Variants in NRXN1 observed in about 807,000 individuals in gnomAD.
The protein encoded by NRXN1 is neurexin 1.
NRXN1 carries 39 observed loss-of-function variants against 150.9 expected under a neutral mutation model. The ratio of observed to expected loss-of-function variants is 0.26; its 90% confidence interval spans 0.20 to 0.34. NRXN1 has a LOEUF of 0.34. NRXN1 is among the 10% of genes least tolerant of loss of function. The pLI is 1.00. For missense variants in NRXN1, 1,815 were observed against 1,949.9 expected, an observed-to-expected ratio of 0.93 and a Z score of 1.30; for synonymous variants, 924 against 757.0, an observed-to-expected ratio of 1.22 and a Z score of -3.62.
chr2:50,710,545 G>A (rs1184807820), intron 5 of NRXN1, among the ~76,000 whole-genome samples: 5 of 152,098 alleles, frequency 3.3e-5, no homozygotes, highest in Admixed American at 3.3e-4. Flanking sequence ...TCAATAGTTT[G>A]TTCTTTTGGA....
intron 8 of NRXN1, among the ~76,000 whole-genome samples, chr2:50,586,217 C>A (rs2103727406): frequency 6.6e-6 from 1 of 152,232 alleles, no homozygotes; most frequent in South Asian, 2.1e-4. Flanking sequence ...CTCAATATAG[C>A]CAAAGGGATC....
At chr2:50,539,889 T>A (rs2093351416) in intron 9 of NRXN1, among the ~76,000 whole-genome samples, 1 of 152,142 alleles carries the variant, frequency 6.6e-6, no homozygotes. Flanking sequence ...AGGTCAGGTG[T>A]GTGTAGGGAG....
At chr2:50,723,525 A>G (rs1226616484) in intron 5 of NRXN1, among the ~76,000 whole-genome samples, 1 of 152,230 alleles carries the variant, frequency 6.6e-6, no homozygotes, top group African/African-American at 2.4e-5. Flanking sequence ...CAACGAATCT[A>G]GGAGGAAAGC....
At chr2:50,538,125 T>C in intron 10 of NRXN1, 128 bp downstream of exon 10, 1 of 1,047,712 alleles carries the variant, frequency 9.5e-7, no homozygotes, top group Admixed American at 2.9e-5. Flanking sequence ...GTATGGCTGC[T>C]CAGCTTGCAA....
intron 17 of NRXN1, among the ~76,000 whole-genome samples, chr2:50,421,433 C>T (rs937382050): frequency 6.6e-6 from 1 of 152,064 alleles, no homozygotes; most frequent in Admixed American, 6.6e-5. Context: ...AAGAATACAT[C>T]TTAGGAACAC....
chr2:50,859,008 C>T (rs1206708281), intron 5 of NRXN1, among the ~76,000 whole-genome samples: 1 of 152,060 alleles, frequency 6.6e-6, no homozygotes, highest in Non-Finnish European at 1.5e-5. Flanking sequence ...ATCTCATCTC[C>T]ACTGAGATTT....
intron 16 of NRXN1, among the ~76,000 whole-genome samples, chr2:50,470,478 A>T (rs1407852782): frequency 1.3e-5 from 2 of 151,840 alleles, no homozygotes; most frequent in Admixed American, 6.6e-5. Context: ...TTTAAATTTC[A>T]CCTAACATTT....
chr2:49,962,469 G>A (rs956502245), intron 21 of NRXN1, among the ~76,000 whole-genome samples: 1 of 152,144 alleles, frequency 6.6e-6, no homozygotes, highest in African/African-American at 2.4e-5. Flanking sequence ...AATGTAATAT[G>A]TAATGCCTGA....
intron 18 of NRXN1, among the ~76,000 whole-genome samples, chr2:50,211,152 G>A (rs1426426052): frequency 6.6e-6 from 1 of 151,606 alleles, no homozygotes; most frequent in African/African-American, 2.4e-5. Context: ...GAGAAAACTT[G>A]TTGAGGGAAG....
intron 5 of NRXN1, among the ~76,000 whole-genome samples, chr2:50,833,549 C>T (rs1275466566): frequency 1.3e-5 from 2 of 152,172 alleles, no homozygotes; most frequent in African/African-American, 2.4e-5. Flanking sequence ...TAGTCTCAAA[C>T]AGTTCCACAT....
At chr2:50,194,087 A>G (rs148098151) in intron 18 of NRXN1, among the ~76,000 whole-genome samples, 2 of 152,310 alleles carry the variant, frequency 1.3e-5, no homozygotes, top group African/African-American at 4.8e-5. Flanking sequence ...CCCTTTGGTC[A>G]TCAGATAGGG....
intron 21 of NRXN1, among the ~76,000 whole-genome samples, chr2:49,987,055 A>G (rs561889348): frequency 6.6e-6 from 1 of 152,202 alleles, no homozygotes; most frequent in South Asian, 2.1e-4. Context: ...AAAAAAAAAG[A>G]AAATATACAT....
At chr2:50,195,754 C>G (rs2061717920) in intron 18 of NRXN1, among the ~76,000 whole-genome samples, 1 of 151,996 alleles carries the variant, frequency 6.6e-6, no homozygotes, top group Non-Finnish European at 1.5e-5. Flanking sequence ...CAAATACTAC[C>G]TGATAATGTG....
chr2:50,979,837 C>G (rs995879578), intron 2 of NRXN1, among the ~76,000 whole-genome samples: 1 of 152,124 alleles, frequency 6.6e-6, no homozygotes, highest in East Asian at 1.9e-4. Context: ...CCTTTAATAT[C>G]TATTTTCCTG....
chr2:49,925,069 A>G (rs1668857421), intron 22 of NRXN1, among the ~76,000 whole-genome samples: 1 of 152,202 alleles, frequency 6.6e-6, no homozygotes. Flanking sequence ...AGGCGAGTGG[A>G]TCACGAGGTC....
intron 17 of NRXN1, among the ~76,000 whole-genome samples, chr2:50,360,020 G>A (rs1441945703): frequency 6.6e-6 from 1 of 152,188 alleles, no homozygotes; most frequent in Admixed American, 6.5e-5. Flanking sequence ...CTTCATAAGT[G>A]AAGGAGAAAT....
rs1007061608 is a variant in NRXN1 at position 50,347,096 on chromosome 2, C to T, written c.3365-110126G>A. The T allele has an allele frequency of 5.0e-6, 7 of 1,386,214 alleles. No homozygotes were observed. In the African/African-American group the frequency reaches 5.9e-5, roughly 12 times the overall value. The allele number at this position is 1,386,214 out of a possible 1,614,324, so 85.9% of individuals were successfully genotyped here. A position where few individuals can be genotyped will look rare whatever the true frequency, so the allele number is the denominator to read the frequency against. On this transcript the variant is annotated intron_variant, in intron 17 of 22. Coordinates refer to ENST00000401669, the MANE Select transcript of NRXN1 (RefSeq NM_001330078.2). This position sits in a 1 kb window ranked among gnomAD's most constrained non-coding sequence, Gnocchi z 4.9. ...CAGGGCACCCATCCTCTCCCTCCTTCGGACAGTCTTCTCGGGGTCCTGGAG... is the reference window on the plus strand; with the variant it reads ...CAGGGCACCCATCCTCTCCCTCCTTTGGACAGTCTTCTCGGGGTCCTGGAG...
chr2:50,486,332 G>A (rs930289054), intron 15 of NRXN1, among the ~76,000 whole-genome samples: 3 of 152,088 alleles, frequency 2.0e-5, no homozygotes, highest in Non-Finnish European at 2.9e-5. Flanking sequence ...ACAGACCCAA[G>A]CCATAAGATA....
chr2:50,373,470 G>T (rs1031389786), intron 17 of NRXN1, among the ~76,000 whole-genome samples: 1 of 150,024 alleles, frequency 6.7e-6, no homozygotes, highest in South Asian at 2.1e-4. Context: ...CTCACTTGCA[G>T]GAAGATATAA....
Sources: allele counts gnomAD v4.1 joint callset (sites outside exome capture counted in the v4.1 genomes callset), GRCh38; gene constraint gnomAD v4.1.1; non-coding constraint Gnocchi (gnomAD v3.1); transcripts MANE v1.5; gene names NCBI Gene and HGNC (gene_info 2026-07-23, HGNC 2026-07-21).